The following PRKAR1B variants were observed in gnomAD, a reference collection of about 807,000 sequenced individuals.
The protein encoded by PRKAR1B is protein kinase cAMP-dependent type I regulatory subunit beta.
A neutral mutation model predicts 46.5 loss-of-function variants in PRKAR1B; 22 were observed. That is an observed-to-expected ratio of 0.47 (90% CI 0.34 to 0.68). PRKAR1B has a LOEUF of 0.68. Ranked by LOEUF, PRKAR1B falls within the 30% of genes least tolerant of loss-of-function variation. PRKAR1B has a pLI of 0.01. For missense variants in PRKAR1B, 445 were observed against 535.6 expected (o/e 0.83, Z 1.67); for synonymous variants, 259 against 217.7 (o/e 1.19, Z -1.67).
intron 9 of PRKAR1B, among the ~76,000 whole-genome samples, chr7:570,502 T>G (rs563695385): frequency 1.0e-3 from 156 of 151,994 alleles, no homozygotes; most frequent in African/African-American, 3.7e-3. Flanking sequence ...CTCCTACTCC[T>G]ACTTCAATAC....
At chr7:583,358 G>A (rs1780316147) in intron 8 of PRKAR1B, among the ~76,000 whole-genome samples, 1 of 129,780 alleles carries the variant, frequency 7.7e-6, no homozygotes, top group Non-Finnish European at 1.7e-5. Context: ...CACACACACA[G>A]GCGCACACAC....
intron 4 of PRKAR1B, among the ~76,000 whole-genome samples, chr7:613,942 C>T (rs1008340163): frequency 1.3e-5 from 2 of 152,226 alleles, no homozygotes; most frequent in East Asian, 1.9e-4. Context: ...GGGAGGTCCC[C>T]GCAGGGGCAA....
intron 9 of PRKAR1B, among the ~76,000 whole-genome samples, chr7:555,343 G>T (rs1778365242): frequency 6.6e-6 from 1 of 152,180 alleles, no homozygotes; most frequent in African/African-American, 2.4e-5. Context: ...CACGCTGTCT[G>T]GATGCAAGAG....
chr7:555,547 G>A (rs1778376616), intron 9 of PRKAR1B, among the ~76,000 whole-genome samples: 1 of 152,222 alleles, frequency 6.6e-6, no homozygotes, highest in Non-Finnish European at 1.5e-5. Flanking sequence ...AGGCTCTGGA[G>A]AGATGTGTTT....
chr7:692,573 C>T (rs1779493672), intron 2 of PRKAR1B, among the ~76,000 whole-genome samples: 2 of 152,130 alleles, frequency 1.3e-5, no homozygotes, highest in Admixed American at 1.3e-4. Context: ...AACCTGAAGC[C>T]AGGGAGTTGA....
intron 4 of PRKAR1B, among the ~76,000 whole-genome samples, chr7:642,106 G>C (rs1347463654): frequency 5.3e-5 from 8 of 151,986 alleles, no homozygotes; most frequent in African/African-American, 1.7e-4. Flanking sequence ...ATGTTGGCTA[G>C]GCTGGTCTTG....
At chr7:689,371 T>C (rs1421863578) in intron 2 of PRKAR1B, among the ~76,000 whole-genome samples, 1 of 152,104 alleles carries the variant, frequency 6.6e-6, no homozygotes, top group Non-Finnish European at 1.5e-5. Flanking sequence ...TCCACCCACC[T>C]CAGCCTCCCA....
At chr7:689,185 G>C (rs1433473671) in intron 2 of PRKAR1B, among the ~76,000 whole-genome samples, 1 of 151,460 alleles carries the variant, frequency 6.6e-6, no homozygotes, top group South Asian at 2.1e-4. Context: ...GCGCGATCTC[G>C]GCTCACTGCA....
chr7:710,643 CTTTTT>C (rs1177446855), intron 2 of PRKAR1B, among the ~76,000 whole-genome samples: 1 of 137,624 alleles, frequency 7.3e-6, no homozygotes, highest in African/African-American at 2.7e-5. Flanking sequence ...TTTCTTTTTC[CTTTTT>C]TTTTTTTTTT....
intron 8 of PRKAR1B, among the ~76,000 whole-genome samples, chr7:580,074 T>A (rs553624558): frequency 1.2e-4 from 18 of 151,404 alleles, no homozygotes; most frequent in Non-Finnish European, 1.8e-4. Flanking sequence ...TCTACAAAAA[T>A]TAAAAAATTA....
chr7:694,614 C>T (rs1779623056), intron 2 of PRKAR1B, among the ~76,000 whole-genome samples: 2 of 152,132 alleles, frequency 1.3e-5, no homozygotes, highest in South Asian at 2.1e-4. Context: ...CTTCCCCTTC[C>T]CCCACCCACC....
chr7:573,840 C>T (rs1009408714), intron 9 of PRKAR1B, among the ~76,000 whole-genome samples: 12 of 152,134 alleles, frequency 7.9e-5, no homozygotes, highest in Non-Finnish European at 1.5e-4. Flanking sequence ...CGGGAGGCAG[C>T]GTCTGCCCCT....
At chr7:614,405 G>A (rs542511459) in intron 4 of PRKAR1B, among the ~76,000 whole-genome samples, 7 of 152,282 alleles carry the variant, frequency 4.6e-5, no homozygotes, top group East Asian at 1.9e-4. Context: ...GAACTTCACC[G>A]CCACAGGCCC....
chr7:580,151 A>G (rs929852241), intron 8 of PRKAR1B, among the ~76,000 whole-genome samples: 6 of 151,232 alleles, frequency 4.0e-5, no homozygotes, highest in African/African-American at 1.5e-4. Context: ...GGATCACTTG[A>G]GCGCGGGAGG....
intron 8 of PRKAR1B, among the ~76,000 whole-genome samples, chr7:581,103 A>G (rs1780156624): frequency 6.6e-6 from 1 of 152,172 alleles, no homozygotes. Context: ...GGAGATCGAG[A>G]CCATCCTGGC....
intron 4 of PRKAR1B, among the ~76,000 whole-genome samples, chr7:673,264 C>T (rs1786391127): frequency 6.6e-6 from 1 of 152,038 alleles, no homozygotes; most frequent in Non-Finnish European, 1.5e-5. Flanking sequence ...GAATTTTCAA[C>T]CGGGTGAACG....
intron 4 of PRKAR1B, among the ~76,000 whole-genome samples, chr7:649,475 GTAAT>G (rs1784786142): frequency 6.6e-6 from 1 of 152,162 alleles, no homozygotes; most frequent in Non-Finnish European, 1.5e-5. Flanking sequence ...TTTTTGGTAA[GTAAT>G]TATTCAATTG....
chr7:657,653 G>A (rs1023640075), intron 4 of PRKAR1B, among the ~76,000 whole-genome samples: 2 of 152,160 alleles, frequency 1.3e-5, no homozygotes, highest in South Asian at 2.1e-4. Flanking sequence ...CATAGCAGCC[G>A]ACAGGACACC....
At chr7:583,857 C>T (rs1361150437) in intron 8 of PRKAR1B, among the ~76,000 whole-genome samples, 1 of 152,228 alleles carries the variant, frequency 6.6e-6, no homozygotes, top group Non-Finnish European at 1.5e-5. Flanking sequence ...CACCCCCACA[C>T]ACCTGCACGG....
Sources: gnomAD v4.1 joint callset for allele counts (sites outside exome capture counted in the v4.1 genomes callset) on GRCh38, gnomAD v4.1.1 for gene constraint, MANE v1.5 for transcripts, NCBI Gene and HGNC (gene_info 2026-07-23, HGNC 2026-07-21) for gene names.